Variants in ABCC11 observed in about 807,000 individuals in gnomAD.
ABCC11 encodes the protein ATP binding cassette subfamily C member 11, also known as ATP-binding cassette sub-family C member 11.
A neutral mutation model predicts 149.3 loss-of-function variants in ABCC11; 135 were observed. That is an observed-to-expected ratio of 0.90 (90% CI 0.79 to 1.04). The LOEUF (loss-of-function observed/expected upper bound fraction) is 1.04. ABCC11 is among the 50% of genes least tolerant of loss of function. ABCC11 has a pLI of 0.00. For synonymous variants in ABCC11, 665 were observed against 671.4 expected, an observed-to-expected ratio of 0.99 and a Z score of 0.15; for missense variants, 1,680 against 1,722.1, an observed-to-expected ratio of 0.98 and a Z score of 0.43.
At chr16:48,189,337 C>T (rs1458524914) in intron 20 of ABCC11, among the ~76,000 whole-genome samples, 2 of 152,134 alleles carry the variant, frequency 1.3e-5, no homozygotes, top group African/African-American at 2.4e-5. Flanking sequence ...GATTAGGGAC[C>T]AATGGTGGCG....
At chr16:48,191,886 G>A (rs865802880) in intron 20 of ABCC11, among the ~76,000 whole-genome samples, 2 of 152,066 alleles carry the variant, frequency 1.3e-5, no homozygotes, top group Non-Finnish European at 2.9e-5. Context: ...GTTAAATGAC[G>A]AGTTACTGGG....
intron 6 of ABCC11, among the ~76,000 whole-genome samples, chr16:48,221,056 A>T (rs1427470916): frequency 6.6e-6 from 1 of 152,128 alleles, no homozygotes; most frequent in East Asian, 1.9e-4. Flanking sequence ...AAGGGCTGGG[A>T]GTGGGAGTGA....
At chr16:48,199,988 T>C (rs8052335) in intron 15 of ABCC11, among the ~76,000 whole-genome samples, 2,021 of 152,240 alleles carry the variant, frequency 0.013, 56 homozygotes, top group African/African-American at 0.046. Flanking sequence ...TTTTCATTTT[T>C]TATAAGTTGA....
intron 14 of ABCC11, 51 bp downstream of exon 14, chr16:48,203,177 A>G (rs1386839707): frequency 6.7e-7 from 1 of 1,503,272 alleles, no homozygotes; most frequent in Non-Finnish European, 9.1e-7. Context: ...GGCAGCATGA[A>G]CATAAGAGCA....
chr16:48,226,798 C>CT (rs1421754366), intron 4 of ABCC11, among the ~76,000 whole-genome samples: 2 of 152,140 alleles, frequency 1.3e-5, no homozygotes, highest in Non-Finnish European at 2.9e-5. Flanking sequence ...TGTTAAGTTG[C>CT]TTTGTAAATC....
Position 48,205,505 on chromosome 16 carries a change from C to T in ABCC11, c.1713G>A (p.Gln571=). The part of the protein sequence containing the change: ...MHLLEGSVGV[Q]GSLAYVPQQA... ...GCTGGGGGACATAGGCCAGGCTTCCCTGCACCCCCACCGAGCCCTCGAGCA... is the reference window on the plus strand; with the variant it reads ...GCTGGGGGACATAGGCCAGGCTTCCTTGCACCCCCACCGAGCCCTCGAGCA... The change falls in exon 13 of 30, where the codon CAG becomes CAA. Residue 571 remains glutamine, a synonymous_variant. Coordinates refer to ENST00000356608, the MANE Select transcript of ABCC11 (RefSeq NM_001370497.1). The T allele has an allele frequency of 6.2e-7, 1 of 1,614,116 alleles. No homozygotes were observed. Among genetic ancestry groups the T allele is most frequent in the Non-Finnish European group, 8.5e-7 (1 of 1,180,014 alleles).
chr16:48,177,610 T>G (rs993614753), intron 24 of ABCC11, among the ~76,000 whole-genome samples: 1 of 152,216 alleles, frequency 6.6e-6, no homozygotes, highest in Non-Finnish European at 1.5e-5. Flanking sequence ...ATCACACAGT[T>G]TCAGGTTGGA....
At chr16:48,187,494 T>C in intron 20 of ABCC11, 67 bp from the exon 21 acceptor site, 1 of 1,369,548 alleles carries the variant, frequency 7.3e-7, no homozygotes, top group Non-Finnish European at 1.0e-6. Flanking sequence ...TGGATGAAGA[T>C]GCCTGTTACC....
At position 48,170,121 on chromosome 16, in the gene ABCC11, A is replaced by T; in HGVS notation, c.3875T>A (p.Val1292Glu). The change falls in exon 28 of 30, where the codon GTG (valine) becomes GAG (glutamate). Residue 1292 changes from valine to glutamate, a missense_variant. By Grantham distance (121) the Val-to-Glu change is moderately radical (BLOSUM62 -2). Transcript: ENST00000356608. ...TGGCCTCACCTTGGAGTTGCGAAGC[A>T]CAGCCCTGGCAATGCAGAGCAGCTG... ...ERQLLCIARA[V>E]LRNSKIILID... 1 of 1,614,002 alleles carries T rather than the reference A, an allele frequency of 6.2e-7. No homozygotes were observed. Among genetic ancestry groups the T allele is most frequent in the Non-Finnish European group, 8.5e-7 (1 of 1,179,920 alleles).
chr16:48,195,774 C>T (rs550550231), intron 18 of ABCC11, among the ~76,000 whole-genome samples: 64 of 152,276 alleles, frequency 4.2e-4, no homozygotes, highest in South Asian at 3.7e-3. Flanking sequence ...ATTTTCTCTC[C>T]GATTCTATTT....
intron 28 of ABCC11, among the ~76,000 whole-genome samples, chr16:48,169,604 A>T (rs1250460410): frequency 6.6e-6 from 1 of 152,076 alleles, no homozygotes; most frequent in Non-Finnish European, 1.5e-5. Flanking sequence ...GGATGAGTTC[A>T]TGTCCTTTGT....
intron 28 of ABCC11, among the ~76,000 whole-genome samples, chr16:48,169,135 G>C (rs1965529226): frequency 6.6e-6 from 1 of 152,140 alleles, no homozygotes; most frequent in African/African-American, 2.4e-5. Flanking sequence ...AAGATAAAAG[G>C]GATGTACTGC....
At position 48,197,964 on chromosome 16, in the gene ABCC11, C is replaced by T; in HGVS notation, c.2314+7G>A. On this transcript the variant is annotated splice_region_variant and intron_variant, in intron 17 of 29. Coordinates refer to ENST00000356608, the MANE Select transcript of ABCC11 (RefSeq NM_001370497.1). ...AGACATTCTTGTCCTATCTCCCACACCATTACCAGCATTTCCGTTGAGAGA... is the reference window on the plus strand; with the variant it reads ...AGACATTCTTGTCCTATCTCCCACATCATTACCAGCATTTCCGTTGAGAGA... 6.2e-7 allele frequency: 1 copy of T among 1,613,700 alleles called. No individual in the cohort carries two copies.
intron 18 of ABCC11, among the ~76,000 whole-genome samples, 173 bp from the exon 19 acceptor site, chr16:48,194,155 G>A (rs370472121): frequency 1.0e-3 from 155 of 152,276 alleles, no homozygotes; most frequent in Admixed American, 1.8e-3. Context: ...AGAGCCCTGG[G>A]TTCAAATCCT....
intron 14 of ABCC11, among the ~76,000 whole-genome samples, chr16:48,201,886 G>C (rs906633810): frequency 6.6e-6 from 1 of 152,170 alleles, no homozygotes; most frequent in Non-Finnish European, 1.5e-5. Flanking sequence ...TGAGGAAGTG[G>C]GAGCTGGAGT....
intron 8 of ABCC11, 55 bp downstream of exon 8, chr16:48,215,142 G>T: frequency 6.3e-7 from 1 of 1,593,604 alleles, no homozygotes; most frequent in South Asian, 1.1e-5. Context: ...GGTGAGAGGG[G>T]CTCGGCTTAC....
At chr16:48,175,658 G>A (rs909705618) in intron 25 of ABCC11, among the ~76,000 whole-genome samples, 1 of 152,178 alleles carries the variant, frequency 6.6e-6, no homozygotes, top group African/African-American at 2.4e-5. Flanking sequence ...AAGCCAGCCC[G>A]CAGACATGTT....
intron 15 of ABCC11, 137 bp downstream of exon 15, chr16:48,200,139 C>G: frequency 4.6e-6 from 4 of 866,724 alleles, no homozygotes; most frequent in Non-Finnish European, 6.9e-6. Context: ...TTACAGCCCT[C>G]CCCAAATGTG....
In ABCC11 at chr16:48,175,324, AG is replaced by A. The variant is rs1275356164; in HGVS notation, c.3631del (p.Leu1211TrpfsTer10). 2 of 1,614,074 alleles carry A rather than the reference AG, an allele frequency of 1.2e-6. No homozygotes were observed. Among genetic ancestry groups the A allele is most frequent in the Non-Finnish European group, 1.7e-6 (2 of 1,180,012 alleles). On this transcript the variant is annotated frameshift_variant, in exon 26 of 30. Coordinates refer to ENST00000356608, the MANE Select transcript of ABCC11 (RefSeq NM_001370497.1). LOFTEE classifies it high-confidence loss of function. ...IDGVDICSIG[L>X]EDLRSKLSVI... ...TGAGAGCTTGGACCGCAAGTCCTCCAGGCCGATGCTGCAAATGTCCACGCCG... is the reference window on the plus strand; with the variant it reads ...TGAGAGCTTGGACCGCAAGTCCTCCAGCCGATGCTGCAAATGTCCACGCCG...
Sources: gnomAD v4.1 joint callset for allele counts (sites outside exome capture counted in the v4.1 genomes callset) on GRCh38, gnomAD v4.1.1 for gene constraint, MANE v1.5 for transcripts, NCBI Gene and HGNC (gene_info 2026-07-23, HGNC 2026-07-21) for gene names.